Variants in STRBP observed in about 807,000 individuals in gnomAD.
The protein encoded by STRBP is spermatid perinuclear RNA-binding protein.
STRBP carries 13 observed loss-of-function variants against 80.1 expected under a neutral mutation model. That is an observed-to-expected ratio of 0.16 (90% CI 0.11 to 0.26). The LOEUF (loss-of-function observed/expected upper bound fraction) is 0.26. STRBP is among the 10% of genes least tolerant of loss of function. The pLI, the probability that STRBP is intolerant of heterozygous loss-of-function variation, is 1.00. For synonymous variants in STRBP, 284 were observed against 291.2 expected, an observed-to-expected ratio of 0.98 and a Z score of 0.25; for missense variants, 485 against 815.2, an observed-to-expected ratio of 0.59 and a Z score of 4.93.
intron 2 of STRBP, among the ~76,000 whole-genome samples, chr9:123,197,706 G>A (rs1297930046): frequency 1.2e-4 from 14 of 112,184 alleles, no homozygotes; most frequent in Admixed American, 8.5e-4. Flanking sequence ...ACGGAGTCTC[G>A]CTCTGTCACC....
chr9:123,209,653 T>C (rs777297100), intron 2 of STRBP, among the ~76,000 whole-genome samples: 3 of 152,192 alleles, frequency 2.0e-5, no homozygotes, highest in Non-Finnish European at 4.4e-5. Context: ...TGTGTGCTGA[T>C]GAGGGAGGTT....
At chr9:123,217,185 T>C (rs2039926246) in intron 2 of STRBP, among the ~76,000 whole-genome samples, 1 of 152,170 alleles carries the variant, frequency 6.6e-6, no homozygotes, top group Non-Finnish European at 1.5e-5. Flanking sequence ...CCATAATGAA[T>C]GAGTTACTGA....
chr9:123,203,554 G>T (rs878937081), intron 2 of STRBP, among the ~76,000 whole-genome samples: 1 of 151,964 alleles, frequency 6.6e-6, no homozygotes, highest in Admixed American at 6.6e-5. Context: ...CCTTGCTGAC[G>T]TTCCCACCTC....
intron 6 of STRBP, among the ~76,000 whole-genome samples, chr9:123,164,137 C>T (rs912463997): frequency 6.6e-6 from 1 of 152,150 alleles, no homozygotes; most frequent in Non-Finnish European, 1.5e-5. Flanking sequence ...CCTCCGCCTC[C>T]CGGGCTCAAG....
chr9:123,242,128 T>C (rs532848965), intron 1 of STRBP, among the ~76,000 whole-genome samples: 1 of 152,334 alleles, frequency 6.6e-6, no homozygotes, highest in South Asian at 2.1e-4. Context: ...ACAAATGAGA[T>C]TTCTTCAGAG....
At chr9:123,135,037 A>C (rs2132318500) in intron 16 of STRBP, among the ~76,000 whole-genome samples, 1 of 152,342 alleles carries the variant, frequency 6.6e-6, no homozygotes, top group East Asian at 1.9e-4. Context: ...TACAAAACAA[A>C]TTTTGAGATG....
At chr9:123,128,641 T>C (rs753311753) in intron 17 of STRBP, among the ~76,000 whole-genome samples, 5 of 152,246 alleles carry the variant, frequency 3.3e-5, no homozygotes, top group Non-Finnish European at 5.9e-5. Flanking sequence ...ATATATATAG[T>C]AGCCACTCTC....
chr9:123,109,801 G>A (rs988406511), intron 3 of STRBP: 2 of 152,172 alleles, frequency 1.3e-5, no homozygotes. Flanking sequence ...TGCCTCAGAG[G>A]GGAAGGGCAG....
intron 3 of STRBP, among the ~76,000 whole-genome samples, chr9:123,183,491 A>G (rs539163999): frequency 3.2e-4 from 49 of 152,050 alleles, no homozygotes; most frequent in Non-Finnish European, 6.3e-4. Flanking sequence ...AAAAATTCAT[A>G]TAACACCCTC....
At chr9:123,211,732 T>G (rs2039716072) in intron 2 of STRBP, among the ~76,000 whole-genome samples, 1 of 152,216 alleles carries the variant, frequency 6.6e-6, no homozygotes, top group Non-Finnish European at 1.5e-5. Context: ...ACTATTTTCC[T>G]AATATGGATA....
intron 2 of STRBP, among the ~76,000 whole-genome samples, chr9:123,230,856 C>T (rs1472464698): frequency 6.6e-6 from 1 of 152,108 alleles, no homozygotes; most frequent in African/African-American, 2.4e-5. Context: ...TAATGAAAAG[C>T]GTACACACTT....
rs2132288506 is a variant in STRBP, at chr9:123,123,291, A to G, written c.*2306T>C. On this transcript the variant is annotated 3_prime_UTR_variant, in exon 19 of 19. Transcript: ENST00000348403. ...TTTGGTGAAGCCAAGAGCTTCATTTATATTTCTCTGCTCTTTCAGCTGTAA... is the reference window on the plus strand; with the variant it reads ...TTTGGTGAAGCCAAGAGCTTCATTTGTATTTCTCTGCTCTTTCAGCTGTAA... The G allele has an allele frequency of 1.0e-6, 1 of 985,412 alleles. No homozygotes were observed. The highest frequency in any genetic ancestry group is 1.7e-5 in the African/African-American group (1 of 57,346). 61.0% of individuals were successfully genotyped at this position (985,412 alleles called of 1,614,324 possible).
intron 6 of STRBP, among the ~76,000 whole-genome samples, chr9:123,165,279 CAAAA>C (rs568070749): frequency 2.0e-5 from 1 of 50,950 alleles, no homozygotes; most frequent in Non-Finnish European, 4.4e-5. Flanking sequence ...GACTCCATCT[CAAAA>C]AAAAAAAAAA....
intron 6 of STRBP, 88 bp downstream of exon 6, chr9:123,169,814 T>C (rs1393129881): frequency 1.2e-6 from 1 of 819,696 alleles, no homozygotes; most frequent in African/African-American, 1.8e-5. Flanking sequence ...CCTAAATCCA[T>C]AAAACATTGT....
At chr9:123,147,687 A>AC in intron 12 of STRBP, 91 bp downstream of exon 12, 1 of 1,102,440 alleles carries the variant, frequency 9.1e-7, no homozygotes, top group Non-Finnish European at 1.3e-6. Flanking sequence ...CAAAAAAAAA[A>AC]AAAAAAAAAA....
intron 2 of STRBP, among the ~76,000 whole-genome samples, chr9:123,186,469 A>G (rs889922276): frequency 2.0e-5 from 3 of 152,202 alleles, no homozygotes; most frequent in Non-Finnish European, 2.9e-5. Flanking sequence ...GTCATTTAGC[A>G]TGGGGGGTAA....
chr9:123,196,968 A>G (rs765387687), intron 2 of STRBP, among the ~76,000 whole-genome samples: 1 of 152,256 alleles, frequency 6.6e-6, no homozygotes, highest in Non-Finnish European at 1.5e-5. Context: ...AACAATAGCC[A>G]AGATTTGGAA....
At position 123,234,962 on chromosome 9, in the gene STRBP, A is replaced by T. The variant is rs534930796; in HGVS notation, c.-165+1868T>A. Among the ~76,000 whole-genome samples the T allele has an allele frequency of 3.6e-3, 486 of 136,762 alleles. 2 individuals carry two copies. Among genetic ancestry groups the T allele is most frequent in the South Asian group, 7.2e-3 (29 of 4,038 alleles). 89.7% of individuals were successfully genotyped at this position (136,762 alleles called of 152,430 possible). On this transcript the variant is annotated intron_variant, in intron 2 of 18. Coordinates refer to ENST00000348403, the MANE Select transcript of STRBP (RefSeq NM_018387.5). ...AAAAATAAAAAAAAAGTTTAAAAAAATTTTTTTTGTATCTGTTCAACTGGC... is the reference window on the plus strand; with the variant it reads ...AAAAATAAAAAAAAAGTTTAAAAAATTTTTTTTTGTATCTGTTCAACTGGC...
chr9:123,153,716 T>C (rs1354914096), intron 11 of STRBP, among the ~76,000 whole-genome samples: 1 of 152,140 alleles, frequency 6.6e-6, no homozygotes, highest in Non-Finnish European at 1.5e-5. Flanking sequence ...CATGTAGCGA[T>C]ATTGAGGAGG....
Sources: allele counts gnomAD v4.1 joint callset (sites outside exome capture counted in the v4.1 genomes callset), GRCh38; gene constraint gnomAD v4.1.1; transcripts MANE v1.5; gene names NCBI Gene and HGNC (gene_info 2026-07-23, HGNC 2026-07-21).